Variants in RPRD1B observed in about 807,000 individuals in gnomAD.
The protein encoded by RPRD1B is regulation of nuclear pre-mRNA domain containing 1B, also known as regulation of nuclear pre-mRNA domain-containing protein 1B.
Under a neutral mutation model 41.5 loss-of-function variants are expected in RPRD1B, and 11 were observed. The observed-to-expected ratio is 0.27, with a 90% confidence interval of 0.17 to 0.44. The LOEUF is 0.44. RPRD1B is among the 20% of genes least tolerant of loss of function. The pLI, the probability that RPRD1B is intolerant of heterozygous loss-of-function variation, is 1.00. For synonymous variants in RPRD1B, 158 were observed against 155.6 expected (o/e 1.02, Z -0.12); for missense variants, 248 against 389.9 (o/e 0.64, Z 3.06).
At chr20:38,069,255 A>G (rs1179690034) in intron 6 of RPRD1B, among the ~76,000 whole-genome samples, 1 of 152,206 alleles carries the variant, frequency 6.6e-6, no homozygotes, top group Non-Finnish European at 1.5e-5. Flanking sequence ...TTACGGCTCA[A>G]AGTAGGAGAT....
Position 38,053,972 on chromosome 20 carries a change from T to C in RPRD1B, c.416-3560T>C, listed in dbSNP as rs769848473. ...TAGCGGTCCTGGAACCAATCCCCCATGGATACTGAGGGACAACTGTATAGT... is the reference window on the plus strand; with the variant it reads ...TAGCGGTCCTGGAACCAATCCCCCACGGATACTGAGGGACAACTGTATAGT... On this transcript the variant is annotated intron_variant, in intron 3 of 6. Transcript: ENST00000373433. 2.0e-5 allele frequency among the ~76,000 whole-genome samples: 3 copies of C among 152,100 alleles called. No homozygotes were observed. In the East Asian group the frequency reaches 5.8e-4, roughly 29 times the overall value.
chr20:38,047,114 T>G (rs2074128485), intron 2 of RPRD1B, among the ~76,000 whole-genome samples: 1 of 152,098 alleles, frequency 6.6e-6, no homozygotes, highest in Non-Finnish European at 1.5e-5. Context: ...GGAGTAAAAG[T>G]GTTTTATCAC....
Position 38,059,453 on chromosome 20 carries a change from T to C in RPRD1B, c.588T>C (p.Thr196=), listed in dbSNP as rs1342192889. ...DLENAASGDA[T]VRQKIASLPQ... Reference sequence around the variant, plus strand: ...AAAATGCCGCATCAGGGGATGCTACTGTCCGACAGAAAATTGCTTCTCTGC... The same window carrying C: ...AAAATGCCGCATCAGGGGATGCTACCGTCCGACAGAAAATTGCTTCTCTGC... Residue 196 remains threonine (T), a synonymous_variant, in exon 5 of 7, where the codon ACT becomes ACC. Transcript: ENST00000373433. The C allele has an allele frequency of 3.7e-6, 6 of 1,614,138 alleles. No homozygotes were observed. The highest frequency in any genetic ancestry group is 5.1e-6 in the Non-Finnish European group (6 of 1,179,964).
chr20:38,062,839 T>C (rs868290390), intron 5 of RPRD1B, among the ~76,000 whole-genome samples: 7,741 of 25,044 alleles, frequency 0.31, 591 homozygotes, highest in African/African-American at 0.41. Context: ...CCCCCCCCCC[T>C]TTTTTTTTTT....
Position 38,033,878 on chromosome 20 carries a change from T to C in RPRD1B, c.-70T>C. On this transcript the variant is annotated 5_prime_UTR_variant, in exon 1 of 7. Coordinates refer to ENST00000373433, the MANE Select transcript of RPRD1B (RefSeq NM_021215.4). ...CAGCCTGTCAGGTGAGGCCCCGGCCTCGTGCCGTCGCTCTTCCCGCCGCAC... is the reference window on the plus strand; with the variant it reads ...CAGCCTGTCAGGTGAGGCCCCGGCCCCGTGCCGTCGCTCTTCCCGCCGCAC... 1 of 1,479,696 alleles carries C rather than the reference T, an allele frequency of 6.8e-7. No homozygotes were observed. The highest frequency in any genetic ancestry group is 9.1e-7 in the Non-Finnish European group (1 of 1,102,448). The allele number at this position is 1,479,696 out of a possible 1,614,324, so 91.7% of individuals were successfully genotyped here.
chr20:38,066,263 G>A lies in RPRD1B; in HGVS notation c.831+7G>A, dbSNP rs2074354708. ...GAAGGAGAAAAAACTAGAGGTGAGT[G>A]CATTGAAGGCAGACCCAGACTGCCC... On this transcript the variant is annotated splice_region_variant and intron_variant, in intron 6 of 6. Coordinates refer to ENST00000373433, the MANE Select transcript of RPRD1B (RefSeq NM_021215.4). 5 of 1,613,380 alleles carry A rather than the reference G, an allele frequency of 3.1e-6. No individual in the cohort carries two copies. In the African/African-American group the frequency reaches 5.3e-5, roughly 17 times the overall value.
rs1185379199 is a variant in RPRD1B at position 38,057,512 on chromosome 20, T to G, written c.416-20T>G. ...CTACAGGATATGTGACTCAAATTTA[T>G]TACTTTCTCTTTTGTCTAGCAACAG... On this transcript the variant is annotated intron_variant, in intron 3 of 6. Coordinates refer to ENST00000373433, the MANE Select transcript of RPRD1B (RefSeq NM_021215.4). The G allele has an allele frequency of 3.2e-6, 5 of 1,570,952 alleles. No homozygotes were observed. The highest frequency in any genetic ancestry group is 2.6e-6 in the Non-Finnish European group (3 of 1,140,788).
At chr20:38,065,586 G>A (rs1041681702) in intron 5 of RPRD1B, among the ~76,000 whole-genome samples, 2 of 152,154 alleles carry the variant, frequency 1.3e-5, no homozygotes, top group African/African-American at 2.4e-5. Flanking sequence ...TTGTTATTCT[G>A]TATTTTTAAA....
At chr20:38,052,291 A>G (rs2074193313) in intron 3 of RPRD1B, among the ~76,000 whole-genome samples, 1 of 152,208 alleles carries the variant, frequency 6.6e-6, no homozygotes, top group African/African-American at 2.4e-5. Flanking sequence ...CGCAAAAGTA[A>G]GAAGAGGTTT....
At chr20:38,083,625 G>A (rs530241758) in intron 6 of RPRD1B, among the ~76,000 whole-genome samples, 9 of 152,166 alleles carry the variant, frequency 5.9e-5, no homozygotes, top group East Asian at 3.9e-4. Flanking sequence ...TAAGAAGCTC[G>A]CTCCCATTTG....
intron 4 of RPRD1B, among the ~76,000 whole-genome samples, chr20:38,058,013 CATT>C (rs1477717099): frequency 3.9e-5 from 6 of 152,196 alleles, no homozygotes; most frequent in African/African-American, 1.4e-4. Flanking sequence ...TAAAGTAACT[CATT>C]AATATCTAAA....
intron 5 of RPRD1B, among the ~76,000 whole-genome samples, chr20:38,060,014 C>T (rs142987505): frequency 4.3e-4 from 66 of 152,270 alleles, no homozygotes; most frequent in Middle Eastern, 3.4e-3. Context: ...CCTAGTTAAA[C>T]AGGGAGGGGC....
chr20:38,036,337 G>A (rs958336168), intron 1 of RPRD1B, among the ~76,000 whole-genome samples: 1 of 152,190 alleles, frequency 6.6e-6, no homozygotes, highest in Admixed American at 6.5e-5. Context: ...TCTTTTTCAT[G>A]TACTCAGTGC....
chr20:38,056,171 G>A (rs1413442751), intron 3 of RPRD1B, among the ~76,000 whole-genome samples: 1 of 152,112 alleles, frequency 6.6e-6, no homozygotes, highest in Non-Finnish European at 1.5e-5. Context: ...TGGGTCACTG[G>A]AGGCCAGGAG....
At chr20:38,047,834 T>G (rs2074135694) in intron 2 of RPRD1B, among the ~76,000 whole-genome samples, 1 of 152,214 alleles carries the variant, frequency 6.6e-6, no homozygotes, top group Non-Finnish European at 1.5e-5. Flanking sequence ...AAAATAATTA[T>G]GCAGTGGTTA....
At chr20:38,048,538 T>TTTTTTA in intron 3 of RPRD1B, 57 bp downstream of exon 3, 1 of 1,547,262 alleles carries the variant, frequency 6.5e-7, no homozygotes, top group East Asian at 2.3e-5. Context: ...TCGAATCAAA[T>TTTTTTA]ATGAAAAGCT....
At position 38,059,514 on chromosome 20, in the gene RPRD1B, A is replaced by G. The variant is rs758625420; in HGVS notation, c.649A>G (p.Ile217Val). The change falls in exon 5 of 7, where the codon ATA (isoleucine) becomes GTA (valine). Residue 217 changes from isoleucine to valine, a missense_variant. Physicochemically the swap from Ile to Val is conservative, Grantham distance 29 (BLOSUM62 3). Around this residue, in one of 5 missense-constraint regions of RPRD1B, gnomAD observed 93 missense variants for 167.2 expected, o/e 0.56. Transcript: ENST00000373433. Reference protein sequence around the residue: ...EVQDVSLLEKITDKEAAERLS... With the variant: ...EVQDVSLLEKVTDKEAAERLS... ...GCAAGATGTTTCTCTATTGGAAAAAATAACAGGTGAGAAGGTAGAGTTTGG... is the reference window on the plus strand; with the variant it reads ...GCAAGATGTTTCTCTATTGGAAAAAGTAACAGGTGAGAAGGTAGAGTTTGG... 8 of 1,613,872 alleles carry G rather than the reference A, an allele frequency of 5.0e-6. 1 individual carries two copies. The South Asian group carries it at 6.6e-5, about 13-fold the overall frequency.
chr20:38,052,306 T>C (rs987118220), intron 3 of RPRD1B, among the ~76,000 whole-genome samples: 25 of 152,170 alleles, frequency 1.6e-4, no homozygotes, highest in Admixed American at 7.2e-4. Flanking sequence ...AGGTTTTTAA[T>C]ATTTTCAGTC....
At position 38,084,960 on chromosome 20, in the gene RPRD1B, A is replaced by C. The variant is rs547483245; in HGVS notation, c.832-4766A>C. Among the ~76,000 whole-genome samples, 98 of 152,082 alleles carry C rather than the reference A, an allele frequency of 6.4e-4. 1 individual carries two copies. The highest frequency in any genetic ancestry group is 8.1e-4 in the Non-Finnish European group (55 of 68,028). On this transcript the variant is annotated intron_variant, in intron 6 of 6. Coordinates refer to ENST00000373433, the MANE Select transcript of RPRD1B (RefSeq NM_021215.4). ...GGTTTGCTGCAGCAAGTCAGATATG[A>C]TTCTTCCCTATTCGGGGCCCCCCAC...
Sources: gnomAD v4.1 joint callset for allele counts (sites outside exome capture counted in the v4.1 genomes callset) on GRCh38, gnomAD v4.1.1 for gene constraint, gnomAD v4.1.1 regional missense constraint, MANE v1.5 for transcripts, NCBI Gene and HGNC (gene_info 2026-07-23, HGNC 2026-07-21) for gene names.